DNAJC15: variants seen among roughly 807,000 people sequenced by gnomAD.
The protein encoded by DNAJC15 is DnaJ heat shock protein family (Hsp40) member C15.
In DNAJC15, 27 loss-of-function variants were observed where a neutral mutation model predicts 22.4. The observed-to-expected ratio is 1.20, with a 90% confidence interval of 0.89 to 1.66. DNAJC15 has a LOEUF of 1.66. DNAJC15 is among the 40% of genes most tolerant of loss of function. The pLI is 0.00. For missense variants in DNAJC15, 208 were observed against 187.1 expected, an observed-to-expected ratio of 1.11 and a Z score of -0.65; for synonymous variants, 79 against 63.2, an observed-to-expected ratio of 1.25 and a Z score of -1.19.
chr13:43,058,840 C>T (rs560893726), intron 1 of DNAJC15, among the ~76,000 whole-genome samples: 3 of 152,270 alleles, frequency 2.0e-5, no homozygotes, highest in South Asian at 2.1e-4. Flanking sequence ...TTTTAATTTT[C>T]GCTCAGCTCT....
At chr13:43,049,253 A>G (rs1408657012) in intron 1 of DNAJC15, among the ~76,000 whole-genome samples, 2 of 152,150 alleles carry the variant, frequency 1.3e-5, no homozygotes, top group African/African-American at 4.8e-5. Flanking sequence ...TTACTATTAT[A>G]TTGTCTTTTC....
chr13:43,081,253 C>T (rs2040660145), intron 4 of DNAJC15, among the ~76,000 whole-genome samples: 1 of 152,128 alleles, frequency 6.6e-6, no homozygotes, highest in African/African-American at 2.4e-5. Flanking sequence ...CACTTAATAT[C>T]ACCCATGGGT....
chr13:43,025,129 G>T (rs952949543), intron 1 of DNAJC15, among the ~76,000 whole-genome samples: 2 of 152,026 alleles, frequency 1.3e-5, no homozygotes, highest in African/African-American at 4.8e-5. Context: ...GATCATCCCT[G>T]GTAAGTGGCA....
intron 1 of DNAJC15, among the ~76,000 whole-genome samples, chr13:43,038,530 T>C (rs190848269): frequency 6.5e-4 from 99 of 152,264 alleles, no homozygotes; most frequent in African/African-American, 1.7e-3. Flanking sequence ...CGGTGGCTCA[T>C]GCCTGTAATC....
Position 43,112,309 on chromosome 13 carries a change from A to G in DNAJC15, c.*5061A>G, listed in dbSNP as rs1243580598. On this transcript the variant is annotated 3_prime_UTR_variant, in exon 6 of 6. Coordinates refer to ENST00000379221, the MANE Select transcript of DNAJC15 (RefSeq NM_013238.3). Reference sequence around the variant, plus strand: ...AACAGTATCTAGCAGCACTGCTCCAAATTTTAAGTCTGAACAGACTATATT... The same window carrying G: ...AACAGTATCTAGCAGCACTGCTCCAGATTTTAAGTCTGAACAGACTATATT... 1 of 152,232 alleles carries G rather than the reference A, an allele frequency of 6.6e-6. No homozygotes were observed. The highest frequency in any genetic ancestry group is 1.5e-5 in the Non-Finnish European group (1 of 68,040). The allele number at this position is 152,232 out of a possible 1,614,324, so 9.4% of individuals were successfully genotyped here. A position where few individuals can be genotyped will look rare whatever the true frequency, so the allele number is the denominator to read the frequency against.
chr13:43,112,179 CTCTT>C lies in DNAJC15; in HGVS notation c.*4937_*4940del, dbSNP rs1424414789. 2 of 152,030 alleles carry C rather than the reference CTCTT, an allele frequency of 1.3e-5. No individual in the cohort carries two copies. Among genetic ancestry groups the C allele is most frequent in the Non-Finnish European group, 2.9e-5 (2 of 68,012 alleles). The allele number at this position is 152,030 out of a possible 1,614,324, so 9.4% of individuals were successfully genotyped here. A position where few individuals can be genotyped will look rare whatever the true frequency, so the allele number is the denominator to read the frequency against. The stretch of plus-strand genomic sequence containing the variant: ...GCTGAGCAAAAGAATTTATAAAAAG[CTCTT>C]TCTTTTGTATTAAAAACCCTGCTCA... On this transcript the variant is annotated 3_prime_UTR_variant, in exon 6 of 6. Transcript: ENST00000379221.
At chr13:43,105,826 A>G (rs1349189486) in intron 5 of DNAJC15, among the ~76,000 whole-genome samples, 1 of 152,216 alleles carries the variant, frequency 6.6e-6, no homozygotes, top group African/African-American at 2.4e-5. Context: ...CCTGATTGCT[A>G]GATTGTCTTC....
intron 1 of DNAJC15, among the ~76,000 whole-genome samples, chr13:43,048,628 G>A (rs933911934): frequency 6.6e-5 from 10 of 152,196 alleles, no homozygotes; most frequent in Non-Finnish European, 2.9e-5. Flanking sequence ...TAAATTTGAT[G>A]TAAGTAGAAT....
intron 1 of DNAJC15, 65 bp downstream of exon 1, chr13:43,023,799 T>A: frequency 7.1e-7 from 1 of 1,408,798 alleles, no homozygotes; most frequent in Non-Finnish European, 9.7e-7. Flanking sequence ...CAGCCCCCTC[T>A]ACCGCCTCAC....
intron 1 of DNAJC15, among the ~76,000 whole-genome samples, chr13:43,042,395 T>C (rs1435743769): frequency 1.3e-5 from 2 of 152,154 alleles, no homozygotes; most frequent in African/African-American, 4.8e-5. Context: ...TCTTCCTCCT[T>C]CTTAGTAGCT....
At chr13:43,056,597 AC>A (rs1479306330) in intron 1 of DNAJC15, among the ~76,000 whole-genome samples, 1 of 152,116 alleles carries the variant, frequency 6.6e-6, no homozygotes, top group African/African-American at 2.4e-5. Flanking sequence ...TGTCTTGATA[AC>A]CTGTCTAGTG....
chr13:43,099,215 A>G (rs147917743), intron 5 of DNAJC15, among the ~76,000 whole-genome samples: 6 of 152,168 alleles, frequency 3.9e-5, no homozygotes, highest in African/African-American at 1.4e-4. Context: ...ATAGAAATAC[A>G]ATTAAGTTGT....
At chr13:43,036,429 C>T (rs1414623829) in intron 1 of DNAJC15, among the ~76,000 whole-genome samples, 1 of 152,048 alleles carries the variant, frequency 6.6e-6, no homozygotes, top group Non-Finnish European at 1.5e-5. Context: ...TTTATGTGCT[C>T]AGAATGGAGG....
intron 1 of DNAJC15, among the ~76,000 whole-genome samples, chr13:43,041,385 T>C (rs914408612): frequency 1.3e-5 from 2 of 152,158 alleles, no homozygotes; most frequent in Admixed American, 6.5e-5. Flanking sequence ...GGGGGTAAGG[T>C]TACAGATTAA....
At position 43,112,884 on chromosome 13, in the gene DNAJC15, C is replaced by T. The variant is rs2040831342; in HGVS notation, c.*5636C>T. ...TTGGCTCATTTTTTGATGCATGTGA[C>T]CTGGGATTATAAATGTGAAATTAGG... On this transcript the variant is annotated 3_prime_UTR_variant, in exon 6 of 6. Transcript: ENST00000379221. 6.6e-6 allele frequency: 1 copy of T among 152,120 alleles called. No individual in the cohort carries two copies. The highest frequency in any genetic ancestry group is 1.5e-5 in the Non-Finnish European group (1 of 68,036). 9.4% of individuals were successfully genotyped at this position (152,120 alleles called of 1,614,324 possible). A position where few individuals can be genotyped will look rare whatever the true frequency, so the allele number is the denominator to read the frequency against.
At chr13:43,030,459 A>C (rs1219762344) in intron 1 of DNAJC15, among the ~76,000 whole-genome samples, 4 of 152,244 alleles carry the variant, frequency 2.6e-5, no homozygotes, top group Non-Finnish European at 5.9e-5. Flanking sequence ...TAGACTGAAC[A>C]CATAGACAAT....
rs1195738938 is a variant in DNAJC15, at chr13:43,110,791, T to A, written c.*3543T>A. On this transcript the variant is annotated 3_prime_UTR_variant, in exon 6 of 6. Coordinates refer to ENST00000379221, the MANE Select transcript of DNAJC15 (RefSeq NM_013238.3). ...AAGTACAGTTGCAGATATTCAGGAG[T>A]AATTATCTAAATGGCAGTAGGCTTA... The A allele has an allele frequency of 6.6e-6, 1 of 152,110 alleles. No homozygotes were observed. The highest frequency in any genetic ancestry group is 1.5e-5 in the Non-Finnish European group (1 of 68,024). The allele number at this position is 152,110 out of a possible 1,614,324, so 9.4% of individuals were successfully genotyped here.
At chr13:43,034,615 G>A (rs1397593226) in intron 1 of DNAJC15, among the ~76,000 whole-genome samples, 2 of 103,154 alleles carry the variant, frequency 1.9e-5, no homozygotes, top group African/African-American at 4.3e-5. Context: ...GCACCCAGCC[G>A]AGATTGTCCT....
intron 1 of DNAJC15, among the ~76,000 whole-genome samples, chr13:43,037,985 A>G (rs760109081): frequency 6.6e-6 from 1 of 152,214 alleles, no homozygotes; most frequent in Non-Finnish European, 1.5e-5. Context: ...AACATTCCTC[A>G]ATAATATATT....
Sources: gnomAD v4.1 joint callset for allele counts (sites outside exome capture counted in the v4.1 genomes callset) on GRCh38, gnomAD v4.1.1 for gene constraint, MANE v1.5 for transcripts, NCBI Gene and HGNC (gene_info 2026-07-23, HGNC 2026-07-21) for gene names.